Variants in PTTG1IP observed in about 807,000 individuals in gnomAD.
PTTG1IP encodes the protein PTTG1 interacting protein.
PTTG1IP carries 16 observed loss-of-function variants against 24.4 expected under a neutral mutation model. The ratio of observed to expected loss-of-function variants is 0.66; its 90% CI spans 0.44 to 1.00. The LOEUF (loss-of-function observed/expected upper bound fraction) is 1.00, where lower values mean the gene tolerates loss of function less well. PTTG1IP is among the 50% of genes least tolerant of loss of function. The pLI is 0.00. For missense variants in PTTG1IP, 241 were observed against 245.8 expected, an observed-to-expected ratio of 0.98 and a Z score of 0.13; for synonymous variants, 89 against 96.8, an observed-to-expected ratio of 0.92 and a Z score of 0.47.
chr21:44,870,419 T>C (rs1035715148), intron 1 of PTTG1IP, among the ~76,000 whole-genome samples: 4 of 146,150 alleles, frequency 2.7e-5, no homozygotes, highest in African/African-American at 7.5e-5. Flanking sequence ...CATGCGCCTG[T>C]AATCCCTGAG....
chr21:44,861,601 C>G, intron 2 of PTTG1IP: 1 of 654,740 alleles, frequency 1.5e-6, no homozygotes, highest in Non-Finnish European at 2.8e-6. Context: ...CTCTCAGCCT[C>G]AGCTCAGCCT....
At chr21:44,869,792 G>A (rs908271214) in intron 1 of PTTG1IP, among the ~76,000 whole-genome samples, 8 of 152,168 alleles carry the variant, frequency 5.3e-5, no homozygotes, top group African/African-American at 1.7e-4. Flanking sequence ...AGGAGACAGG[G>A]TATGCCCAAC....
At chr21:44,870,545 A>AAAAAG (rs2083577053) in intron 1 of PTTG1IP, among the ~76,000 whole-genome samples, 1 of 131,670 alleles carries the variant, frequency 7.6e-6, no homozygotes, top group Non-Finnish European at 1.5e-5. Flanking sequence ...AAAAAAAAAA[A>AAAAAG]AAAGAAAGGC....
In PTTG1IP at chr21:44,872,297, T is replaced by C. The variant is rs1251020623; in HGVS notation, c.115+1205A>G. Among the ~76,000 whole-genome samples, 4 of 152,170 alleles carry C rather than the reference T, an allele frequency of 2.6e-5. No individual in the cohort carries two copies. The East Asian group carries it at 7.7e-4, about 29-fold the overall frequency. ...CTAACGTCACAAACCCTAAGCACAC[T>C]TGGAGGCAGGTAAGAAGAAACACAA... On this transcript the variant is annotated intron_variant, in intron 1 of 5. Transcript: ENST00000330938.
In PTTG1IP at chr21:44,860,475, G is replaced by GTT. The variant is rs1191889596; in HGVS notation, c.277+687_277+688insAA. Among the ~76,000 whole-genome samples the GTT allele has an allele frequency of 8.5e-5, 6 of 70,466 alleles. No homozygotes were observed. In the East Asian group the frequency reaches 2.9e-3, roughly 34 times the overall value. The allele number at this position is 70,466 out of a possible 152,430, so 46.2% of individuals were successfully genotyped here. On this transcript the variant is annotated intron_variant, in intron 3 of 5. Coordinates refer to ENST00000330938, the MANE Select transcript of PTTG1IP (RefSeq NM_004339.4). ...AAAGATACGCACACAAAAAAAGAGG[G>GTT]CTGTCTACGCAAGCAGGGATTCTTA...
intron 3 of PTTG1IP, among the ~76,000 whole-genome samples, chr21:44,859,223 G>A (rs2083471980): frequency 6.6e-6 from 1 of 152,212 alleles, no homozygotes; most frequent in African/African-American, 2.4e-5. Context: ...CCACATAAAG[G>A]CGGGAACCAG....
chr21:44,858,867 T>C (rs1175832283), intron 3 of PTTG1IP, among the ~76,000 whole-genome samples: 2 of 152,146 alleles, frequency 1.3e-5, no homozygotes, highest in Non-Finnish European at 2.9e-5. Context: ...GGTGACTGGT[T>C]ACCCTAAACA....
In PTTG1IP at chr21:44,865,257, G is replaced by T; in HGVS notation, c.168+138C>A. The stretch of plus-strand genomic sequence containing the variant: ...AATGGCTAAAATAACATTTGATAAC[G>T]ATTCCAAAAAACATCCCCCCAAATC... On this transcript the variant is annotated intron_variant, in intron 2 of 5. Transcript: ENST00000330938. 3.6e-6 allele frequency: 3 copies of T among 828,778 alleles called. No individual in the cohort carries two copies. The South Asian group carries it at 4.7e-5, about 13-fold the overall frequency. 51.3% of individuals were successfully genotyped at this position (828,778 alleles called of 1,614,324 possible).
At chr21:44,855,877 G>A (rs1478789813) in intron 4 of PTTG1IP, among the ~76,000 whole-genome samples, 3 of 152,168 alleles carry the variant, frequency 2.0e-5, no homozygotes, top group Non-Finnish European at 4.4e-5. Context: ...GCTTGCTCTT[G>A]GCAAATGCTG....
intron 1 of PTTG1IP, among the ~76,000 whole-genome samples, chr21:44,869,792 GT>G (rs1388907918): frequency 6.6e-6 from 1 of 152,286 alleles, no homozygotes; most frequent in Non-Finnish European, 1.5e-5. Context: ...AGGAGACAGG[GT>G]ATGCCCAACA....
chr21:44,864,246 C>T (rs1471226865), intron 2 of PTTG1IP, among the ~76,000 whole-genome samples: 4 of 152,206 alleles, frequency 2.6e-5, no homozygotes, highest in Non-Finnish European at 5.9e-5. Flanking sequence ...TCAGGTTTCC[C>T]GTGCTGATTT....
At chr21:44,873,439 C>G in intron 1 of PTTG1IP, 63 bp downstream of exon 1, 1 of 1,251,614 alleles carries the variant, frequency 8.0e-7, no homozygotes, top group Non-Finnish European at 1.0e-6. Context: ...CGACCCCGAC[C>G]CCGACCTGGA....
At chr21:44,853,118 A>G (rs2083422637) in intron 5 of PTTG1IP, among the ~76,000 whole-genome samples, 1 of 152,250 alleles carries the variant, frequency 6.6e-6, no homozygotes, top group Admixed American at 6.5e-5. Context: ...CGAGCAACTT[A>G]AACACAGCTT....
At chr21:44,865,633 G>T (rs940046741) in intron 1 of PTTG1IP, 186 bp from the exon 2 acceptor site, 2 of 647,818 alleles carry the variant, frequency 3.1e-6, no homozygotes, top group Non-Finnish European at 5.6e-6. Context: ...CATGTGGAAC[G>T]AGTGTTCAGG....
chr21:44,863,135 CCACCA>C, intron 2 of PTTG1IP, among the ~76,000 whole-genome samples: 1 of 142,358 alleles, frequency 7.0e-6, no homozygotes, highest in African/African-American at 2.7e-5. Flanking sequence ...GAGACACAGC[CCACCA>C]CGGCCTCAGC....
chr21:44,873,524 G>A lies in PTTG1IP; in HGVS notation c.93C>T (p.Ala31=), dbSNP rs1455408311. 6 of 1,464,702 alleles carry A rather than the reference G, an allele frequency of 4.1e-6. No homozygotes were observed. The highest frequency in any genetic ancestry group is 4.9e-5 in the Admixed American group (2 of 40,442). The allele number at this position is 1,464,702 out of a possible 1,614,324, so 90.7% of individuals were successfully genotyped here. Residue 31 remains alanine, a synonymous_variant, in exon 1 of 6, where the codon GCC becomes GCT. Coordinates refer to ENST00000330938, the MANE Select transcript of PTTG1IP (RefSeq NM_004339.4). ...CACCAGCTCCGGGAGGCTCCTGCGCGGCGGCCACCGGGATGAGCAGCAGGA... is the reference window on the plus strand; with the variant it reads ...CACCAGCTCCGGGAGGCTCCTGCGCAGCGGCCACCGGGATGAGCAGCAGGA... ...ALLLLLIPVA[A]AQEPPGAACS...
chr21:44,853,624 T>C (rs567697331), intron 5 of PTTG1IP, among the ~76,000 whole-genome samples: 4 of 152,104 alleles, frequency 2.6e-5, no homozygotes, highest in African/African-American at 9.6e-5. Flanking sequence ...ACGCTCCACG[T>C]ACACAGGCAT....
At chr21:44,855,095 T>C in intron 5 of PTTG1IP, 115 bp downstream of exon 5, 2 of 1,121,814 alleles carry the variant, frequency 1.8e-6, no homozygotes, top group Non-Finnish European at 1.3e-6. Flanking sequence ...GACGTCCTTC[T>C]GTTCCGATGG....
intron 3 of PTTG1IP, among the ~76,000 whole-genome samples, chr21:44,858,028 A>AAAACAAACAGAAATCCTGTC (rs1226537506): frequency 2.0e-5 from 3 of 152,344 alleles, no homozygotes; most frequent in Middle Eastern, 3.4e-3. Context: ...AAACTAGTTA[A>AAAACAAACAGAAATCCTGTC]AAACAAACAG....
Sources: gnomAD v4.1 joint callset for allele counts (sites outside exome capture counted in the v4.1 genomes callset) on GRCh38, gnomAD v4.1.1 for gene constraint, MANE v1.5 for transcripts, NCBI Gene and HGNC (gene_info 2026-07-23, HGNC 2026-07-21) for gene names.